Variants in CDC42SE2 observed in about 807,000 individuals in gnomAD.
The protein encoded by CDC42SE2 is CDC42 small effector protein 2.
CDC42SE2 carries 3 observed loss-of-function variants against 11.5 expected under a neutral mutation model. That is an observed-to-expected ratio of 0.26 (90% CI 0.12 to 0.67). The LOEUF (loss-of-function observed/expected upper bound fraction) is 0.67, where lower values mean the gene tolerates loss of function less well. CDC42SE2 is among the 30% of genes least tolerant of loss of function. The pLI, the probability that CDC42SE2 is intolerant of heterozygous loss-of-function variation, is 0.80. For synonymous variants in CDC42SE2, 33 were observed against 34.8 expected (o/e 0.95, Z 0.18); for missense variants, 82 against 106.8 (o/e 0.77, Z 1.02).
intron 1 of CDC42SE2, among the ~76,000 whole-genome samples, chr5:131,268,853 C>T (rs1391471526): frequency 6.8e-6 from 1 of 146,702 alleles, no homozygotes; most frequent in Admixed American, 7.0e-5. Flanking sequence ...TGAGTTCAAG[C>T]AACTGTCCTC....
intron 2 of CDC42SE2, among the ~76,000 whole-genome samples, chr5:131,319,911 C>T (rs1481131981): frequency 1.3e-5 from 2 of 151,450 alleles, no homozygotes; most frequent in Non-Finnish European, 2.9e-5. Context: ...ATTAGCTGGG[C>T]GTGGTGGCGG....
chr5:131,366,297 G>C (rs1051320256), intron 3 of CDC42SE2, among the ~76,000 whole-genome samples: 1 of 152,192 alleles, frequency 6.6e-6, no homozygotes, highest in African/African-American at 2.4e-5. Flanking sequence ...TTTCAAAACT[G>C]TGGAACAGAC....
intron 2 of CDC42SE2, among the ~76,000 whole-genome samples, chr5:131,318,335 T>C: frequency 6.6e-6 from 1 of 152,148 alleles, no homozygotes; most frequent in East Asian, 1.9e-4. Context: ...ATACAGGAAA[T>C]TTAAATCATT....
chr5:131,269,304 C>T (rs1322888552), intron 1 of CDC42SE2, among the ~76,000 whole-genome samples: 1 of 152,094 alleles, frequency 6.6e-6, no homozygotes, highest in Non-Finnish European at 1.5e-5. Flanking sequence ...AAAACATACT[C>T]CCTCTTTTTC....
intron 2 of CDC42SE2, among the ~76,000 whole-genome samples, chr5:131,324,940 A>G (rs931606160): frequency 6.6e-6 from 1 of 152,236 alleles, no homozygotes; most frequent in African/African-American, 2.4e-5. Context: ...AAATGCTCAT[A>G]TCAGTTTTAA....
intron 2 of CDC42SE2, among the ~76,000 whole-genome samples, chr5:131,258,117 T>G (rs1401801694): frequency 6.6e-6 from 1 of 152,178 alleles, no homozygotes; most frequent in Non-Finnish European, 1.5e-5. Flanking sequence ...CAAGATCCAT[T>G]GTGGTTCTTG....
At chr5:131,332,597 G>T (rs1758445420) in intron 2 of CDC42SE2, among the ~76,000 whole-genome samples, 2 of 151,246 alleles carry the variant, frequency 1.3e-5, no homozygotes, top group Non-Finnish European at 3.0e-5. Context: ...GTGTAAAAGT[G>T]TTCCTATTTC....
chr5:131,223,720 A>G, the CDC42SE2 span, among the ~76,000 whole-genome samples: 14 of 152,330 alleles, frequency 9.2e-5, no homozygotes, highest in African/African-American at 3.4e-4. Context: ...AAAATGAACA[A>G]AAAACCCTTT....
intron 1 of CDC42SE2, among the ~76,000 whole-genome samples, chr5:131,267,829 G>C (rs933510979): frequency 6.6e-6 from 1 of 152,024 alleles, no homozygotes; most frequent in African/African-American, 2.4e-5. Context: ...TTTAAAATGA[G>C]TCTGGGATAG....
chr5:131,250,017 G>C (rs946376343), intron 1 of CDC42SE2, among the ~76,000 whole-genome samples: 1 of 152,102 alleles, frequency 6.6e-6, no homozygotes, highest in African/African-American at 2.4e-5. Flanking sequence ...GGGCATAATG[G>C]GTACTAAACA....
At chr5:131,384,353 G>A (rs559672548) in intron 3 of CDC42SE2, among the ~76,000 whole-genome samples, 2 of 152,264 alleles carry the variant, frequency 1.3e-5, no homozygotes, top group African/African-American at 2.4e-5. Flanking sequence ...TGGGACTCTC[G>A]TGATAAAATT....
At chr5:131,378,607 C>A (rs1750223513) in intron 3 of CDC42SE2, among the ~76,000 whole-genome samples, 1 of 152,134 alleles carries the variant, frequency 6.6e-6, no homozygotes, top group African/African-American at 2.4e-5. Flanking sequence ...TTGGTACAAA[C>A]AACTTAGTAA....
chr5:131,386,561 G>T (rs1158462104), intron 4 of CDC42SE2, among the ~76,000 whole-genome samples: 1 of 152,196 alleles, frequency 6.6e-6, no homozygotes, highest in East Asian at 1.9e-4. Flanking sequence ...TCTTTTAATA[G>T]AGGTTTCAGT....
rs533680780 is a variant in CDC42SE2 at position 131,341,545 on chromosome 5, A to G, written c.-285-17664A>G. ...GTATGATTTTACAACATAAGTGAGA[A>G]GGATGAGAAGAGGAAGACATGATTC... On this transcript the variant is annotated intron_variant, in intron 2 of 4. Transcript: ENST00000505065. Among the ~76,000 whole-genome samples, 4 of 152,368 alleles carry G rather than the reference A, an allele frequency of 2.6e-5. No individual in the cohort carries two copies. In the East Asian group the frequency reaches 7.7e-4, roughly 29 times the overall value.
At chr5:131,268,320 CCCAAA>C (rs1756915139) in intron 1 of CDC42SE2, among the ~76,000 whole-genome samples, 1 of 151,940 alleles carries the variant, frequency 6.6e-6, no homozygotes, top group African/African-American at 2.4e-5. Context: ...ACCTTGGCCT[CCCAAA>C]GTGCTAGGAT....
intron 1 of CDC42SE2, among the ~76,000 whole-genome samples, chr5:131,284,016 G>T (rs1009767542): frequency 1.1e-4 from 17 of 152,162 alleles, no homozygotes; most frequent in African/African-American, 3.9e-4. Flanking sequence ...TGGTAACTCT[G>T]TGTTTAATAT....
intron 3 of CDC42SE2, among the ~76,000 whole-genome samples, chr5:131,365,335 C>T (rs1007212995): frequency 2.0e-5 from 3 of 151,958 alleles, no homozygotes; most frequent in African/African-American, 7.3e-5. Flanking sequence ...ACTGCAGCCT[C>T]AGAGGATGAA....
chr5:131,268,546 C>G (rs1227609356), intron 1 of CDC42SE2, among the ~76,000 whole-genome samples: 1 of 151,004 alleles, frequency 6.6e-6, no homozygotes, highest in South Asian at 2.1e-4. Flanking sequence ...TCCACCTCCC[C>G]GGTTCAAACA....
intron 2 of CDC42SE2, among the ~76,000 whole-genome samples, chr5:131,339,040 G>A (rs1343676852): frequency 6.6e-6 from 1 of 151,930 alleles, no homozygotes; most frequent in Non-Finnish European, 1.5e-5. Context: ...GAGGTCAGAA[G>A]ATCGAGACCA....
Sources: allele counts gnomAD v4.1 joint callset (sites outside exome capture counted in the v4.1 genomes callset), GRCh38; gene constraint gnomAD v4.1.1; transcripts MANE v1.5; gene names NCBI Gene and HGNC (gene_info 2026-07-23, HGNC 2026-07-21).